The following TOX2 variants were observed in gnomAD, a reference collection of about 807,000 sequenced individuals.
TOX2 encodes TOX high mobility group box family member 2.
TOX2 carries 15 observed loss-of-function variants against 47.4 expected under a neutral mutation model. The ratio of observed to expected loss-of-function variants is 0.32; its 90% CI spans 0.21 to 0.49. The LOEUF (loss-of-function observed/expected upper bound fraction) is 0.49. TOX2 is among the 20% of genes least tolerant of loss of function. The pLI is 0.99. For missense variants in TOX2, 622 were observed against 673.1 expected (o/e 0.92, Z 0.84); for synonymous variants, 290 against 296.6 (o/e 0.98, Z 0.23).
chr20:44,068,193 G>A (rs1375679148), intron 8 of TOX2, among the ~76,000 whole-genome samples: 1 of 152,040 alleles, frequency 6.6e-6, no homozygotes, highest in African/African-American at 2.4e-5. Flanking sequence ...GAATACTTAG[G>A]GTATGTAGGG....
Position 44,066,891 on chromosome 20 carries a change from C to A in TOX2, c.1484+34C>A, listed in dbSNP as rs146898892. 160 of 1,593,532 alleles carry A rather than the reference C, an allele frequency of 1.0e-4. 1 individual carries two copies. In the East Asian group the frequency reaches 3.6e-3, roughly 35 times the overall value. ...TCGCCCGTCCCTGCCTTTGTCCTGC[C>A]AGCCAGGGAGAGTGGGAACAGGATG... On this transcript the variant is annotated intron_variant, in intron 8 of 8. Transcript: ENST00000341197.
In TOX2 at chr20:43,934,556, C is replaced by T. The variant is rs374169313; in HGVS notation, c.99+19566C>T. On this transcript the variant is annotated intron_variant, in intron 1 of 8. Transcript: ENST00000341197. ...GTGGAAAGGGGAGGGGAGCTGGAGG[C>T]CTTGGGAATTACTGCAGACCTGACT... Among the ~76,000 whole-genome samples the T allele has an allele frequency of 3.3e-5, 5 of 151,804 alleles. No homozygotes were observed. The South Asian group carries it at 1.0e-3, about 32-fold the overall frequency.
chr20:44,028,946 C>T (rs905653033), intron 3 of TOX2, among the ~76,000 whole-genome samples: 1 of 152,186 alleles, frequency 6.6e-6, no homozygotes, highest in African/African-American at 2.4e-5. Flanking sequence ...TTGCCCTGAG[C>T]ACAGGGGAAC....
At chr20:43,941,322 C>CAT (rs2069399449) in intron 1 of TOX2, among the ~76,000 whole-genome samples, 1 of 141,178 alleles carries the variant, frequency 7.1e-6, no homozygotes, top group Non-Finnish European at 1.5e-5. Context: ...GGTTTTAAAG[C>CAT]CTTTTTTTTT....
In TOX2 at chr20:44,069,018, C is replaced by T. The variant is rs982675492; in HGVS notation, c.*332C>T. On this transcript the variant is annotated 3_prime_UTR_variant, in exon 9 of 9. Transcript: ENST00000341197. ...AGCTCCAGCCCCAGCCCAGGTGGGC[C>T]GCCCCTGGCGGGGTCGCTTACCAAC... The T allele has an allele frequency of 2.6e-5, 12 of 455,466 alleles. No homozygotes were observed. The highest frequency in any genetic ancestry group is 2.0e-4 in the Admixed American group (7 of 34,862). The allele number at this position is 455,466 out of a possible 1,614,324, so 28.2% of individuals were successfully genotyped here.
intron 1 of TOX2, among the ~76,000 whole-genome samples, chr20:43,938,366 G>T (rs2069356153): frequency 6.6e-6 from 1 of 152,106 alleles, no homozygotes; most frequent in Non-Finnish European, 1.5e-5. Context: ...GAGAAGTTCA[G>T]TCCTGACCTT....
intron 1 of TOX2, among the ~76,000 whole-genome samples, chr20:43,929,339 C>G (rs2069222134): frequency 6.6e-6 from 1 of 152,186 alleles, no homozygotes; most frequent in South Asian, 2.1e-4. Context: ...TCCTTTGGCC[C>G]ATAAGTCCTC....
intron 1 of TOX2, chr20:43,955,310 G>T: frequency 1.0e-6 from 1 of 985,290 alleles, no homozygotes; most frequent in South Asian, 4.7e-5. Context: ...GTCACAGGAG[G>T]GCCCATGGGG....
chr20:43,991,042 G>C (rs2070359097), intron 2 of TOX2, among the ~76,000 whole-genome samples: 1 of 152,172 alleles, frequency 6.6e-6, no homozygotes, highest in African/African-American at 2.4e-5. Flanking sequence ...CTGCATACAA[G>C]GAGCACAGGC....
chr20:43,916,950 C>T lies in TOX2; in HGVS notation c.99+1960C>T, dbSNP rs994517014. On this transcript the variant is annotated intron_variant, in intron 1 of 8. Transcript: ENST00000341197. This position sits in a 1 kb window ranked among gnomAD's most constrained non-coding sequence, Gnocchi z 5.0. The stretch of plus-strand genomic sequence containing the variant: ...GCACCAGAACCTGTGCGAATCTCGC[C>T]GGGAAGGGCCCGTCAGGGAGGGAAT... Among the ~76,000 whole-genome samples, 2 of 151,900 alleles carry T rather than the reference C, an allele frequency of 1.3e-5. No homozygotes were observed. Among genetic ancestry groups the T allele is most frequent in the African/African-American group, 4.8e-5 (2 of 41,356 alleles).
chr20:43,952,150 C>G (rs76391340), intron 1 of TOX2, among the ~76,000 whole-genome samples: 2,419 of 152,166 alleles, frequency 0.016, 90 homozygotes, highest in East Asian at 0.16. Flanking sequence ...ATCTGCCCGC[C>G]TTGGCCTCCC....
At chr20:44,061,970 A>G (rs2071725371) in intron 5 of TOX2, among the ~76,000 whole-genome samples, 1 of 139,130 alleles carries the variant, frequency 7.2e-6, no homozygotes, top group Non-Finnish European at 1.6e-5. Flanking sequence ...TAGAAGGGAC[A>G]TACCTTAAGG....
chr20:44,052,797 C>G (rs1239987813), intron 4 of TOX2, among the ~76,000 whole-genome samples: 5 of 152,102 alleles, frequency 3.3e-5, no homozygotes, highest in Non-Finnish European at 7.4e-5. Flanking sequence ...GGATTCAAAC[C>G]CAGGAGGCTG....
intron 1 of TOX2, among the ~76,000 whole-genome samples, chr20:43,926,124 A>T (rs1247215285): frequency 6.6e-6 from 1 of 152,226 alleles, no homozygotes; most frequent in African/African-American, 2.4e-5. Context: ...CCCAGGGTCA[A>T]TGCCACGCAT....
intron 3 of TOX2, among the ~76,000 whole-genome samples, chr20:44,048,979 A>G (rs367996225): frequency 1.3e-5 from 2 of 152,212 alleles, no homozygotes; most frequent in African/African-American, 2.4e-5. Flanking sequence ...TCGCTCTACT[A>G]AAAATACAAA....
intron 2 of TOX2, among the ~76,000 whole-genome samples, chr20:43,990,008 C>T (rs376077598): frequency 1.3e-5 from 2 of 152,076 alleles, no homozygotes; most frequent in African/African-American, 4.8e-5. Context: ...CTGAACTGAA[C>T]CATTGAGTTG....
At chr20:44,057,865 T>C (rs2071649476) in intron 5 of TOX2, among the ~76,000 whole-genome samples, 1 of 150,324 alleles carries the variant, frequency 6.7e-6, no homozygotes, top group South Asian at 2.1e-4. Context: ...CTTCTGGGAG[T>C]TGGATGGCTG....
intron 5 of TOX2, among the ~76,000 whole-genome samples, chr20:44,057,359 A>G (rs1374474468): frequency 1.3e-5 from 2 of 152,208 alleles, no homozygotes; most frequent in African/African-American, 4.8e-5. Flanking sequence ...ATTACCTCTC[A>G]TGTTTCACTA....
intron 1 of TOX2, among the ~76,000 whole-genome samples, chr20:43,952,481 A>G (rs772698163): frequency 1.3e-5 from 2 of 152,202 alleles, no homozygotes; most frequent in Non-Finnish European, 2.9e-5. Context: ...TCTGCTCCAC[A>G]GATCACTCAG....
Sources: gnomAD v4.1 joint callset for allele counts (sites outside exome capture counted in the v4.1 genomes callset) on GRCh38, gnomAD v4.1.1 for gene constraint, Gnocchi (gnomAD v3.1) non-coding constraint, MANE v1.5 for transcripts, NCBI Gene and HGNC (gene_info 2026-07-23, HGNC 2026-07-21) for gene names.